SHTN1: variants seen among roughly 807,000 people sequenced by gnomAD.
The protein encoded by SHTN1 is shootin 1, also known as shootin-1.
In SHTN1, 42 loss-of-function variants were observed where a neutral mutation model predicts 83.1. The observed-to-expected ratio is 0.51, with a 90% CI of 0.39 to 0.65. The LOEUF (loss-of-function observed/expected upper bound fraction) is 0.65, where lower values mean the gene tolerates loss of function less well. Among genes scored for constraint, SHTN1 ranks in the 30% least tolerant of loss-of-function variants. SHTN1 has a pLI of 0.00. For missense variants in SHTN1, 622 were observed against 737.8 expected (o/e 0.84, Z 1.82); for synonymous variants, 224 against 247.7 (o/e 0.90, Z 0.90).
intron 1 of SHTN1, among the ~76,000 whole-genome samples, chr10:117,114,423 T>A (rs1315525584): frequency 6.6e-6 from 1 of 152,088 alleles, no homozygotes; most frequent in Non-Finnish European, 1.5e-5. Flanking sequence ...AGCCTGCAAG[T>A]CTTCATAGGA....
intron 16 of SHTN1, chr10:116,900,468 T>A: frequency 3.7e-6 from 5 of 1,340,898 alleles, no homozygotes; most frequent in Non-Finnish European, 5.2e-6. Context: ...GAAATGTAAT[T>A]TCCACTTACT....
intron 1 of SHTN1, among the ~76,000 whole-genome samples, chr10:117,064,687 C>G (rs189849062): frequency 4.0e-5 from 6 of 151,892 alleles, no homozygotes; most frequent in Admixed American, 2.0e-4. Flanking sequence ...ACTTTCATAC[C>G]CCACTGCCTT....
At chr10:117,084,103 TGGA>T (rs994611176) in intron 1 of SHTN1, among the ~76,000 whole-genome samples, 3 of 152,224 alleles carry the variant, frequency 2.0e-5, no homozygotes, top group Non-Finnish European at 4.4e-5. Flanking sequence ...TGCGTTCCTT[TGGA>T]GGAGGAGAGG....
intron 1 of SHTN1, 37 bp downstream of exon 1, chr10:117,004,985 C>G (rs1369025640): frequency 6.4e-7 from 1 of 1,562,430 alleles, no homozygotes. Flanking sequence ...GCCCACGGGC[C>G]GCGGCTGCCC....
intron 4 of SHTN1, 77 bp downstream of exon 4, chr10:116,960,059 C>T: frequency 1.2e-6 from 1 of 827,136 alleles, no homozygotes; most frequent in African/African-American, 1.7e-5. Flanking sequence ...AAAAGCAAAA[C>T]CAGATAGAAG....
rs573052176 is a variant in SHTN1, at chr10:117,084,644, C to T, written c.-188-36134G>A. 4.5e-3 allele frequency among the ~76,000 whole-genome samples: 680 copies of T among 152,024 alleles called. 8 individuals carry two copies. Among genetic ancestry groups the T allele is most frequent in the African/African-American group, 0.016 (650 of 41,488 alleles). On this transcript the variant is annotated intron_variant, in intron 1 of 17. Transcript: ENST00000392901. The stretch of plus-strand genomic sequence containing the variant: ...GGAGTCCCTCCCCCAGCCTCGCTGC[C>T]GCCTTGCAGTTTGATCTCAGACTGC...
At chr10:116,894,245 G>A (rs1847437203) in intron 16 of SHTN1, among the ~76,000 whole-genome samples, 1 of 152,164 alleles carries the variant, frequency 6.6e-6, no homozygotes, top group South Asian at 2.1e-4. Flanking sequence ...TGTATTTAGA[G>A]ATACCACAGA....
At chr10:116,951,775 G>C (rs550732561) in intron 6 of SHTN1, 134 bp downstream of exon 6, 1 of 432,712 alleles carries the variant, frequency 2.3e-6, no homozygotes, top group South Asian at 9.3e-5. Flanking sequence ...GTCTGAAATT[G>C]AGGAGAGAAG....
At chr10:116,906,001 CCAGT>C (rs1338282220) in intron 15 of SHTN1, among the ~76,000 whole-genome samples, 31 of 152,298 alleles carry the variant, frequency 2.0e-4, no homozygotes, top group Admixed American at 7.2e-4. Flanking sequence ...CTGGAATTTC[CCAGT>C]CACTCAGTTC....
chr10:116,884,087 T>C lies in SHTN1; in HGVS notation c.*2257A>G, dbSNP rs1402138597. ...TATCTTTCCCAAACAGAAGGAAGCA[T>C]AAATAACCTTTTAGAGAAATCAAAA... On this transcript the variant is annotated 3_prime_UTR_variant, in exon 17 of 17. Coordinates refer to ENST00000355371, the MANE Select transcript of SHTN1 (RefSeq NM_001127211.3). The C allele has an allele frequency of 7.8e-6, 3 of 384,780 alleles. No homozygotes were observed. The highest frequency in any genetic ancestry group is 5.8e-5 in the Admixed American group (2 of 34,524). The allele number at this position is 384,780 out of a possible 1,614,324, so 23.8% of individuals were successfully genotyped here.
intron 1 of SHTN1, among the ~76,000 whole-genome samples, chr10:117,059,735 T>C (rs1852872564): frequency 1.3e-5 from 2 of 152,180 alleles, no homozygotes; most frequent in African/African-American, 4.8e-5. Context: ...GAAGAGATCT[T>C]TGTGGTGACT....
At chr10:116,911,895 C>T in intron 13 of SHTN1, 52 bp from the exon 14 acceptor site, 1 of 1,301,308 alleles carries the variant, frequency 7.7e-7, no homozygotes, top group Non-Finnish European at 1.1e-6. Flanking sequence ...TTTAAAAATA[C>T]TAAACAATGA....
intron 7 of SHTN1, among the ~76,000 whole-genome samples, chr10:116,947,305 C>A (rs1359369574): frequency 6.6e-6 from 1 of 152,132 alleles, no homozygotes; most frequent in East Asian, 1.9e-4. Context: ...TCTGGTGAGT[C>A]ACCTCCACCC....
chr10:116,951,316 G>C (rs1305546389), intron 6 of SHTN1, among the ~76,000 whole-genome samples: 16 of 152,152 alleles, frequency 1.1e-4, no homozygotes, highest in Non-Finnish European at 1.5e-5. Context: ...TCAGCTATTT[G>C]GGAGGCTGAG....
chr10:117,001,172 A>G (rs1047736521), intron 1 of SHTN1, among the ~76,000 whole-genome samples: 2 of 152,066 alleles, frequency 1.3e-5, no homozygotes, highest in African/African-American at 4.8e-5. Flanking sequence ...ATAAAGCCCC[A>G]AAAAAGACAA....
At chr10:116,924,352 A>G (rs1394738299) in intron 11 of SHTN1, among the ~76,000 whole-genome samples, 1 of 152,154 alleles carries the variant, frequency 6.6e-6, no homozygotes, top group African/African-American at 2.4e-5. Flanking sequence ...AGTGTACATT[A>G]TTGTACATAA....
At chr10:117,064,580 G>A (rs145427434) in intron 1 of SHTN1, among the ~76,000 whole-genome samples, 2,882 of 151,506 alleles carry the variant, frequency 0.019, 31 homozygotes, top group Middle Eastern at 0.051. Flanking sequence ...GCTTGAACCC[G>A]TGAGGCAGAG....
intron 1 of SHTN1, among the ~76,000 whole-genome samples, chr10:117,125,407 C>A (rs1853988496): frequency 6.6e-6 from 1 of 152,162 alleles, no homozygotes; most frequent in Non-Finnish European, 1.5e-5. Context: ...TACCTACTTT[C>A]TATCCTCCCC....
At chr10:116,959,715 A>G (rs1439905380) in intron 4 of SHTN1, among the ~76,000 whole-genome samples, 1 of 152,188 alleles carries the variant, frequency 6.6e-6, no homozygotes, top group Admixed American at 6.5e-5. Flanking sequence ...AATCACCTGA[A>G]ATGCACGGCT....
Sources: allele counts gnomAD v4.1 joint callset (sites outside exome capture counted in the v4.1 genomes callset), GRCh38; gene constraint gnomAD v4.1.1; transcripts MANE v1.5; gene names NCBI Gene and HGNC (gene_info 2026-07-23, HGNC 2026-07-21).